The following EFL1 variants were observed in gnomAD, a reference collection of about 807,000 sequenced individuals.
EFL1 encodes elongation factor-like GTPase 1.
A neutral mutation model predicts 126.7 loss-of-function variants in EFL1; 76 were observed. That is an observed-to-expected ratio of 0.60 (90% confidence interval 0.50 to 0.73). The LOEUF (loss-of-function observed/expected upper bound fraction) is 0.73, where lower values mean the gene tolerates loss of function less well. EFL1 is among the 30% of genes least tolerant of loss of function. EFL1 has a pLI of 0.00. For synonymous variants in EFL1, 410 were observed against 448.4 expected, an observed-to-expected ratio of 0.91 and a Z score of 1.08; for missense variants, 1,128 against 1,343.2, an observed-to-expected ratio of 0.84 and a Z score of 2.50.
At chr15:82,225,391 T>C (rs150160594) in intron 11 of EFL1, 127 bp from the exon 12 acceptor site, 13 of 641,146 alleles carry the variant, frequency 2.0e-5, no homozygotes, top group African/African-American at 1.3e-4. Context: ...CAGAAGTCCA[T>C]AACTTTTTCC....
chr15:82,171,476 A>G (rs1274393426), intron 15 of EFL1, among the ~76,000 whole-genome samples: 1 of 152,228 alleles, frequency 6.6e-6, no homozygotes, highest in Non-Finnish European at 1.5e-5. Flanking sequence ...TATTCGGTAA[A>G]CAGCATTGAA....
intron 19 of EFL1, among the ~76,000 whole-genome samples, chr15:82,132,424 C>A (rs1427373020): frequency 6.6e-6 from 1 of 152,084 alleles, no homozygotes; most frequent in Non-Finnish European, 1.5e-5. Flanking sequence ...CCAAAAAAAG[C>A]CTCTGTTGGA....
chr15:82,216,788 A>C (rs1461422850), intron 14 of EFL1, among the ~76,000 whole-genome samples: 1 of 152,162 alleles, frequency 6.6e-6, no homozygotes, highest in Non-Finnish European at 1.5e-5. Context: ...CAATTTTCTT[A>C]GGATACAAAA....
intron 12 of EFL1, 72 bp from the exon 13 acceptor site, chr15:82,220,301 C>T (rs1268470603): frequency 1.3e-6 from 2 of 1,500,526 alleles, no homozygotes; most frequent in Non-Finnish European, 8.9e-7. Flanking sequence ...ATTGACATGG[C>T]TGGGTAAGAT....
chr15:82,164,005 T>A, intron 15 of EFL1, 21 bp from the exon 16 acceptor site: 1 of 1,612,790 alleles, frequency 6.2e-7, no homozygotes, highest in Non-Finnish European at 8.5e-7. Flanking sequence ...AAAAGATCCA[T>A]ACGGTCAATA....
At chr15:82,191,575 C>T (rs1169621116) in intron 15 of EFL1, among the ~76,000 whole-genome samples, 1 of 150,248 alleles carries the variant, frequency 6.7e-6, no homozygotes, top group African/African-American at 2.5e-5. Flanking sequence ...TTCCTTAGTG[C>T]TTGGATGAGG....
chr15:82,203,601 C>T (rs2074493872), intron 15 of EFL1, among the ~76,000 whole-genome samples: 1 of 152,120 alleles, frequency 6.6e-6, no homozygotes, highest in African/African-American at 2.4e-5. Flanking sequence ...TCTTGAACTC[C>T]CAACCTCGTG....
chr15:82,210,598 A>C (rs1230364032), intron 15 of EFL1, among the ~76,000 whole-genome samples: 1 of 152,140 alleles, frequency 6.6e-6, no homozygotes, highest in Non-Finnish European at 1.5e-5. Flanking sequence ...GCAGTGGCTC[A>C]TGCCTGTAAT....
At position 82,153,917 on chromosome 15, in the gene EFL1, T is replaced by C. The variant is rs142238024; in HGVS notation, c.2031-1494A>G. ...TAGGAAAATATTTCTAAAATTATCA[T>C]TACATAGAGAAAAATATGCTCATAT... On this transcript the variant is annotated intron_variant, in intron 17 of 19. Transcript: ENST00000268206. 1.6e-4 allele frequency among the ~76,000 whole-genome samples: 25 copies of C among 152,270 alleles called. No homozygotes were observed. The East Asian group carries it at 4.4e-3, about 27-fold the overall frequency.
In EFL1 at chr15:82,138,678, G is replaced by T; in HGVS notation, c.3154C>A (p.Leu1052Ile). The change falls in exon 19 of 20, where the codon CTA becomes ATA. Residue 1052 changes from leucine to isoleucine, a missense_variant. By Grantham distance (5) the Leu-to-Ile change is conservative. This residue lies in a region of EFL1 where 561 missense variants were observed against 641.7 expected (regional missense o/e 0.87). Coordinates refer to ENST00000268206, the MANE Select transcript of EFL1 (RefSeq NM_024580.6). ...KRTSGLASPQ[L>I]VFSHWEIIPS... is the part of the protein sequence containing the mutation. ...TTTACCTCCCAATGGCTGAATACTA[G>T]TTGTGGGCTGGCCAGGCCACTTGTC... The T allele has an allele frequency of 6.2e-7, 1 of 1,613,838 alleles. No homozygotes were observed. The highest frequency in any genetic ancestry group is 8.5e-7 in the Non-Finnish European group (1 of 1,179,832).
At chr15:82,232,311 A>G (rs1396789929) in intron 7 of EFL1, among the ~76,000 whole-genome samples, 2 of 152,214 alleles carry the variant, frequency 1.3e-5, no homozygotes, top group Non-Finnish European at 2.9e-5. Context: ...ATAATGACTG[A>G]GCGATGAATA....
rs186511250 is a variant in EFL1, at chr15:82,189,146, G to A, written c.1751-25162C>T. ...AACCTATACGCCGTGTTACTGTACCGAGTACTATACACAATTTTAAGACAA... is the reference window on the plus strand; with the variant it reads ...AACCTATACGCCGTGTTACTGTACCAAGTACTATACACAATTTTAAGACAA... On this transcript the variant is annotated intron_variant, in intron 15 of 19. Coordinates refer to ENST00000268206, the MANE Select transcript of EFL1 (RefSeq NM_024580.6). 1.5e-3 allele frequency among the ~76,000 whole-genome samples: 233 copies of A among 152,166 alleles called. 3 individuals carry two copies. Among genetic ancestry groups the A allele is most frequent in the African/African-American group, 5.5e-3 (228 of 41,520 alleles).
At chr15:82,238,915 G>A (rs2074901944) in intron 6 of EFL1, among the ~76,000 whole-genome samples, 1 of 152,030 alleles carries the variant, frequency 6.6e-6, no homozygotes, top group Non-Finnish European at 1.5e-5. Flanking sequence ...TCTGAAATGT[G>A]CACTACCCTC....
At chr15:82,143,154 T>C (rs1031175580) in intron 18 of EFL1, among the ~76,000 whole-genome samples, 3 of 152,202 alleles carry the variant, frequency 2.0e-5, no homozygotes, top group Non-Finnish European at 4.4e-5. Context: ...CAGGAAACAA[T>C]GCAAATTTCC....
chr15:82,152,369 TG>T lies in EFL1; in HGVS notation c.2084del (p.Thr695LysfsTer15). 1 of 1,613,532 alleles carries T rather than the reference TG, an allele frequency of 6.2e-7. No individual in the cohort carries two copies. Among genetic ancestry groups the T allele is most frequent in the East Asian group, 2.2e-5 (1 of 44,880 alleles). On this transcript the variant is annotated frameshift_variant, in exon 18 of 20. Coordinates refer to ENST00000268206, the MANE Select transcript of EFL1 (RefSeq NM_024580.6). LOFTEE classifies it high-confidence loss of function. ...TGTCAACTTTTGGGGGTTTTGTGAT[TG>T]TTTCTCTGAATGGAATAATAGGTTC... ...VSEPIIPFRE[T>X]ITKPPKVDMV... is the part of the protein sequence containing the mutation.
chr15:82,207,516 A>G (rs1427292111), intron 15 of EFL1, among the ~76,000 whole-genome samples: 2 of 152,042 alleles, frequency 1.3e-5, no homozygotes, highest in Admixed American at 1.3e-4. Flanking sequence ...TATAGGAAGT[A>G]TGATTTTTAA....
intron 17 of EFL1, among the ~76,000 whole-genome samples, chr15:82,153,459 TA>T (rs886516645): frequency 6.0e-4 from 91 of 151,586 alleles, no homozygotes; most frequent in African/African-American, 2.1e-3. Flanking sequence ...GTGTGTGCAT[TA>T]AAAAAAAACT....
At chr15:82,225,324 A>G (rs1317192893) in intron 11 of EFL1, 60 bp from the exon 12 acceptor site, 1 of 1,284,856 alleles carries the variant, frequency 7.8e-7, no homozygotes, top group Non-Finnish European at 1.1e-6. Flanking sequence ...AAAAAAACAG[A>G]TTTTTCTGGA....
chr15:82,155,262 G>A (rs2073955432), intron 17 of EFL1, among the ~76,000 whole-genome samples: 1 of 152,116 alleles, frequency 6.6e-6, no homozygotes, highest in Non-Finnish European at 1.5e-5. Flanking sequence ...AGCACTTTGG[G>A]AGGCCGAGGA....
Sources: allele counts gnomAD v4.1 joint callset (sites outside exome capture counted in the v4.1 genomes callset), GRCh38; gene constraint gnomAD v4.1.1; regional missense constraint gnomAD v4.1.1; transcripts MANE v1.5; gene names NCBI Gene and HGNC (gene_info 2026-07-23, HGNC 2026-07-21).